The following BSG variants were observed in gnomAD, a reference collection of about 807,000 sequenced individuals.
BSG encodes basigin.
A neutral mutation model predicts 43.1 loss-of-function variants in BSG; 37 were observed. That is an observed-to-expected ratio of 0.86 (90% confidence interval 0.66 to 1.13). BSG has a LOEUF of 1.13. Among genes scored for constraint, BSG ranks in the 50% most tolerant of loss-of-function variants. The pLI, the probability that BSG is intolerant of heterozygous loss-of-function variation, is 0.00. For missense variants in BSG, 599 were observed against 554.2 expected, an observed-to-expected ratio of 1.08 and a Z score of -0.81; for synonymous variants, 309 against 238.7, an observed-to-expected ratio of 1.29 and a Z score of -2.72.
At chr19:571,724 G>C, upstream of BSG, 1 of 691,244 alleles carries the variant, frequency 1.4e-6, no homozygotes, top group Non-Finnish European at 2.7e-6. Context: ...GCCTGCGTGG[G>C]ATGCAATCTC....
intron 5 of BSG, 88 bp downstream of exon 5, chr19:580,870 A>C (rs28992477): frequency 0.018 from 20,458 of 1,134,730 alleles, 991 homozygotes; most frequent in East Asian, 0.069. Flanking sequence ...CCCAGCCCTC[A>C]GGACTGGGTG....
chr19:577,691 T>G, intron 1 of BSG, 83 bp from the exon 2 acceptor site: 2 of 1,164,838 alleles, frequency 1.7e-6, no homozygotes, highest in Non-Finnish European at 2.2e-6. Context: ...TGGCTGGGAG[T>G]CCTGTGGGCG....
intron 1 of BSG, among the ~76,000 whole-genome samples, chr19:573,311 G>C (rs552717016): frequency 3.9e-5 from 6 of 152,152 alleles, no homozygotes; most frequent in Non-Finnish European, 8.8e-5. Context: ...GCGAGTGTTA[G>C]GGTCAGAGAC....
chr19:579,716 G>T, intron 3 of BSG, 60 bp downstream of exon 3: 3 of 1,551,480 alleles, frequency 1.9e-6, no homozygotes, highest in South Asian at 1.2e-5. Context: ...CTTGCCGCCA[G>T]CGGCCTGTGG....
At chr19:578,147 G>A (rs751329494) in intron 2 of BSG, 26 bp downstream of exon 2, 77 of 1,499,604 alleles carry the variant, frequency 5.1e-5, no homozygotes, top group African/African-American at 6.9e-5. Flanking sequence ...CTCCCTCCCC[G>A]CCTCCCTCAG....
chr19:574,676 C>CA (rs1981608518), intron 1 of BSG, among the ~76,000 whole-genome samples: 1 of 152,226 alleles, frequency 6.6e-6, no homozygotes, highest in Non-Finnish European at 1.5e-5. Flanking sequence ...GGCATTGAGC[C>CA]GTAGGGGGCC....
intron 2 of BSG, 116 bp from the exon 3 acceptor site, chr19:579,384 T>G (rs755239867): frequency 1.6e-5 from 23 of 1,424,458 alleles, no homozygotes; most frequent in Non-Finnish European, 2.2e-5. Context: ...CCACGGTGTA[T>G]TTTTGGGATG....
chr19:572,871 C>A (rs540356623), intron 1 of BSG, among the ~76,000 whole-genome samples, 170 bp downstream of exon 1: 13 of 152,182 alleles, frequency 8.5e-5, no homozygotes, highest in African/African-American at 2.9e-4. Flanking sequence ...GGGGTGAAGT[C>A]CCAGGGTTTG....
intron 2 of BSG, chr19:579,174 G>A (rs768828806): frequency 6.0e-6 from 3 of 498,454 alleles, no homozygotes; most frequent in African/African-American, 5.8e-5. Flanking sequence ...AGCCTCGTGT[G>A]TCTCTGGGCA....
upstream of BSG, chr19:572,503 C>G (rs901747711): frequency 8.3e-7 from 1 of 1,203,024 alleles, no homozygotes; most frequent in Non-Finnish European, 1.0e-6. Context: ...CCGGCGTCCC[C>G]GGCGCTCGCC....
At chr19:578,188 C>A in intron 2 of BSG, 67 bp downstream of exon 2, 1 of 1,409,348 alleles carries the variant, frequency 7.1e-7, no homozygotes. Context: ...CCTCCCGGCT[C>A]CTGCTCAGTA....
chr19:580,339 C>A, intron 3 of BSG, 40 bp from the exon 4 acceptor site: 1 of 1,591,110 alleles, frequency 6.3e-7, no homozygotes, highest in Non-Finnish European at 8.6e-7. Context: ...AGGCGTCCTG[C>A]AGAGCTGGTA....
chr19:581,833 G>A (rs958271870), intron 6 of BSG, among the ~76,000 whole-genome samples: 2 of 152,250 alleles, frequency 1.3e-5, no homozygotes, highest in African/African-American at 2.4e-5. Flanking sequence ...AGCCTCACCC[G>A]GCCCTTCCCT....
intron 3 of BSG, chr19:579,900 C>G (rs933204102): frequency 2.6e-5 from 15 of 569,468 alleles, no homozygotes; most frequent in Non-Finnish European, 4.2e-5. Context: ...CACTAGGTCC[C>G]GGGCACGAAA....
Position 577,755 on chromosome 19 carries a change from A to T in BSG, c.68-19A>T. 7.2e-7 allele frequency: 1 copy of T among 1,389,266 alleles called. No homozygotes were observed. The highest frequency in any genetic ancestry group is 9.3e-7 in the Non-Finnish European group (1 of 1,071,874). The allele number at this position is 1,389,266 out of a possible 1,614,324, so 86.1% of individuals were successfully genotyped here. A position where few individuals can be genotyped will look rare whatever the true frequency, so the allele number is the denominator to read the frequency against. ...GTGCCCCAGGCACTAACAAGACCCC[A>T]CGCGTGCTCTCCCCACAGCCGGCTT... On this transcript the variant is annotated intron_variant, in intron 1 of 8. Transcript: ENST00000333511.
At position 580,731 on chromosome 19, in the gene BSG, G is replaced by A. The variant is rs373205591; in HGVS notation, c.741G>A (p.Val247=). Residue 247 remains valine (V), a synonymous_variant, in exon 5 of 9, where the codon GTG becomes GTA. Transcript: ENST00000333511. Reference sequence around the variant, plus strand: ...TGCTGGTCTGCAAGTCAGAGTCCGTGCCACCTGTCACTGACTGGGCCTGGT... The same window carrying A: ...TGCTGGTCTGCAAGTCAGAGTCCGTACCACCTGTCACTGACTGGGCCTGGT... The part of the protein sequence containing the change: ...TAMLVCKSES[V]PPVTDWAWYK... The A allele has an allele frequency of 4.3e-6, 7 of 1,612,712 alleles. No homozygotes were observed. The highest frequency in any genetic ancestry group is 5.9e-6 in the Non-Finnish European group (7 of 1,179,960).
upstream of BSG, chr19:571,529 C>A (rs772671296): frequency 3.0e-5 from 23 of 779,350 alleles, 1 homozygote; most frequent in Middle Eastern, 6.7e-4. Context: ...CCCGATCCTC[C>A]GCTCCTGAGG....
At chr19:575,445 C>T (rs28921971) in intron 1 of BSG, 8,316 of 144,338 alleles carry the variant, frequency 0.058, 371 homozygotes, top group Admixed American at 0.14. Flanking sequence ...ACCGGAGGGC[C>T]GGGGTGTGCT....
At chr19:579,084 G>C (rs192465609) in intron 2 of BSG, 208 of 460,214 alleles carry the variant, frequency 4.5e-4, no homozygotes, top group African/African-American at 4.0e-3. Flanking sequence ...TTTGTGCTGG[G>C]GCTGCTACAA....
Sources: allele counts gnomAD v4.1 joint callset (sites outside exome capture counted in the v4.1 genomes callset), GRCh38; gene constraint gnomAD v4.1.1; transcripts MANE v1.5; gene names NCBI Gene and HGNC (gene_info 2026-07-23, HGNC 2026-07-21).